SIGLEC1: variants seen among roughly 807,000 people sequenced by gnomAD.
SIGLEC1 encodes sialic acid binding Ig like lectin 1.
SIGLEC1 carries 132 observed loss-of-function variants against 148.0 expected under a neutral mutation model. The observed-to-expected ratio is 0.89, with a 90% CI of 0.77 to 1.03. The LOEUF (loss-of-function observed/expected upper bound fraction) is 1.03. SIGLEC1 is among the 50% of genes least tolerant of loss of function. The pLI is 0.00. For synonymous variants in SIGLEC1, 945 were observed against 969.0 expected, an observed-to-expected ratio of 0.98 and a Z score of 0.46; for missense variants, 2,253 against 2,271.4, an observed-to-expected ratio of 0.99 and a Z score of 0.16.
At chr20:3,689,784 A>G in intron 19 of SIGLEC1, 82 bp from the exon 20 acceptor site, 2 of 1,335,306 alleles carry the variant, frequency 1.5e-6, no homozygotes, top group African/African-American at 1.5e-5. Flanking sequence ...CCAAGATGAC[A>G]CCTTCTAACT....
In SIGLEC1 at chr20:3,689,582, T is replaced by A; in HGVS notation, c.4997+18A>T. 2 of 1,539,440 alleles carry A rather than the reference T, an allele frequency of 1.3e-6. No individual in the cohort carries two copies. Among genetic ancestry groups the A allele is most frequent in the South Asian group, 2.4e-5 (2 of 84,100 alleles). ...GCCTTACCCCAATCTTCTGGCCCAC[T>A]CCCAGCTCCAGACCCACCTCCAGGT... On this transcript the variant is annotated intron_variant, in intron 20 of 21. Coordinates refer to ENST00000344754, the MANE Select transcript of SIGLEC1 (RefSeq NM_023068.4).
rs371054498 is a variant in SIGLEC1, at chr20:3,690,285, T to G, written c.4592-21A>C. 7.9e-6 allele frequency: 12 copies of G among 1,519,432 alleles called. No homozygotes were observed. In the South Asian group the frequency reaches 8.6e-5, roughly 11 times the overall value. The allele number at this position is 1,519,432 out of a possible 1,614,324, so 94.1% of individuals were successfully genotyped here. ...AGGGTCTGTGGGGAGGAAGGGAGTGTGGTGATTGCAGACAATGACCACAAA... is the reference window on the plus strand; with the variant it reads ...AGGGTCTGTGGGGAGGAAGGGAGTGGGGTGATTGCAGACAATGACCACAAA... On this transcript the variant is annotated intron_variant, in intron 18 of 21. Coordinates refer to ENST00000344754, the MANE Select transcript of SIGLEC1 (RefSeq NM_023068.4).
rs186364499 is a variant in SIGLEC1, at chr20:3,697,275, G to A, written c.2190C>T (p.Asn730=). Residue 730 remains asparagine, a synonymous_variant, in exon 10 of 22, where the codon AAC becomes AAT. Coordinates refer to ENST00000344754, the MANE Select transcript of SIGLEC1 (RefSeq NM_023068.4). ...QEGTEANLTC[N]VSREAAGSPA... ...GGCTGCCAGCAGCTTCCCGGCTCAC[G>A]TTGCAAGTCAAGTTGGCTTCTGTGC... 6.8e-6 allele frequency: 11 copies of A among 1,613,964 alleles called. No homozygotes were observed. The highest frequency in any genetic ancestry group is 3.3e-5 in the Admixed American group (2 of 60,020).
chr20:3,694,154 C>A, intron 13 of SIGLEC1, 67 bp downstream of exon 13: 1 of 1,497,272 alleles, frequency 6.7e-7, no homozygotes, highest in South Asian at 1.3e-5. Context: ...CCCTGTCCCA[C>A]CTCCTCTCCT....
chr20:3,699,328 C>G lies in SIGLEC1; in HGVS notation c.1660G>C (p.Glu554Gln), dbSNP rs572890740. 9 of 1,608,716 alleles carry G rather than the reference C, an allele frequency of 5.6e-6. No homozygotes were observed. Among genetic ancestry groups the G allele is most frequent in the Non-Finnish European group, 7.6e-6 (9 of 1,178,420 alleles). Residue 554 changes from glutamate (E) to glutamine (Q), a missense_variant, in exon 8 of 22, where the codon GAG becomes CAG. Coordinates refer to ENST00000344754, the MANE Select transcript of SIGLEC1 (RefSeq NM_023068.4). ...SWYLNGALLH[E>Q]GPGSSLLLPA... is the part of the protein sequence containing the mutation. Reference sequence around the variant, plus strand: ...AGCAGGAGGCTGCTGCCGGGACCCTCGTGAAGCAGGGCTCCATTCAGGTAC... The same window carrying G: ...AGCAGGAGGCTGCTGCCGGGACCCTGGTGAAGCAGGGCTCCATTCAGGTAC...
chr20:3,702,145 A>T (rs2087857334), intron 6 of SIGLEC1, among the ~76,000 whole-genome samples: 2 of 152,380 alleles, frequency 1.3e-5, no homozygotes, highest in East Asian at 1.9e-4. Flanking sequence ...ACTGAGGAAC[A>T]GTCTCAGACT....
In SIGLEC1 at chr20:3,693,296, G is replaced by A. The variant is rs78825232; in HGVS notation, c.3508+151C>T. The A allele has an allele frequency of 1.3e-3, 1,451 of 1,155,090 alleles. 15 individuals carry two copies. In the African/African-American group the frequency reaches 0.021, roughly 17 times the overall value. 71.6% of individuals were successfully genotyped at this position (1,155,090 alleles called of 1,614,324 possible). On this transcript the variant is annotated intron_variant, in intron 14 of 21. Transcript: ENST00000344754. Reference sequence around the variant, plus strand: ...CTGCCCAGACAGGACTCACCCCAGCGCCCCCTACTCTTAATGCTCCTTGCC... The same window carrying A: ...CTGCCCAGACAGGACTCACCCCAGCACCCCCTACTCTTAATGCTCCTTGCC...
intron 14 of SIGLEC1, 138 bp downstream of exon 14, chr20:3,693,309 A>T: frequency 8.3e-7 from 1 of 1,198,980 alleles, no homozygotes; most frequent in Non-Finnish European, 1.1e-6. Flanking sequence ...CCCTACTCTT[A>T]ATGCTCCTTG....
Position 3,712,595 on chromosome 20 carries a change from C to G in SIGLEC1, c.-235G>C, listed in dbSNP as rs1483345898. Among the ~76,000 whole-genome samples, 2 of 152,164 alleles carry G rather than the reference C, an allele frequency of 1.3e-5. No homozygotes were observed. The highest frequency in any genetic ancestry group is 2.9e-5 in the Non-Finnish European group (2 of 68,036). ...CTGCCGGCTCAAGAGAGAAGGATCC[C>G]GTATCAGGGGCTGCTTCCTCTTTCC... is the stretch of plus-strand genomic sequence containing the variant. On this transcript the variant is annotated 5_prime_UTR_variant, in exon 1 of 22. Coordinates refer to ENST00000344754, the MANE Select transcript of SIGLEC1 (RefSeq NM_023068.4).
chr20:3,693,306 C>G, intron 14 of SIGLEC1, 141 bp downstream of exon 14: 1 of 1,194,068 alleles, frequency 8.4e-7, no homozygotes, highest in Non-Finnish European at 1.1e-6. Context: ...GCCCCCTACT[C>G]TTAATGCTCC....
At position 3,692,537 on chromosome 20, in the gene SIGLEC1, A is replaced by G; in HGVS notation, c.4014T>C (p.Ala1338=). ...DAQGTRSSRP[A]ALQVLYAPQD... ...TCTGCTCACAGAGGACTTGCAGGGC[A>G]GCAGGACGGGAGCTGCGGGTGCCCT... The change falls in exon 16 of 22, where the codon GCT becomes GCC. Residue 1338 remains alanine (A), a synonymous_variant. Coordinates refer to ENST00000344754, the MANE Select transcript of SIGLEC1 (RefSeq NM_023068.4). 1 of 1,598,328 alleles carries G rather than the reference A, an allele frequency of 6.3e-7. No individual in the cohort carries two copies. Among genetic ancestry groups the G allele is most frequent in the South Asian group, 1.1e-5 (1 of 89,610 alleles).
chr20:3,703,531 C>T, intron 5 of SIGLEC1, 80 bp from the exon 6 acceptor site: 1 of 1,488,262 alleles, frequency 6.7e-7, no homozygotes, highest in Admixed American at 2.2e-5. Context: ...GGGTCTCAGC[C>T]AATCAGCCTC....
chr20:3,695,074 T>C (rs2146522586), intron 11 of SIGLEC1, 151 bp from the exon 12 acceptor site: 1 of 769,508 alleles, frequency 1.3e-6, no homozygotes, highest in Non-Finnish European at 2.0e-6. Flanking sequence ...CACTCAGCCC[T>C]ATGCCTTGGC....
At chr20:3,701,947 G>A (rs1203656105) in intron 6 of SIGLEC1, among the ~76,000 whole-genome samples, 2 of 152,308 alleles carry the variant, frequency 1.3e-5, no homozygotes, top group East Asian at 3.9e-4. Flanking sequence ...ACCAAAGTGA[G>A]CATCATCAGC....
Position 3,699,054 on chromosome 20 carries a change from AC to A in SIGLEC1, c.1786+147del, listed in dbSNP as rs2087827711. 4.6e-6 allele frequency: 4 copies of A among 872,686 alleles called. No individual in the cohort carries two copies. In the Admixed American group the frequency reaches 8.5e-5, roughly 19 times the overall value. 54.1% of individuals were successfully genotyped at this position (872,686 alleles called of 1,614,324 possible). On this transcript the variant is annotated intron_variant, in intron 8 of 21. Transcript: ENST00000344754. The stretch of plus-strand genomic sequence containing the variant: ...GCCTCATTTCCTAAACTTCAGCCCC[AC>A]ATGGAAAGACCCACTGTGGCCAGGT...
chr20:3,694,658 C>T lies in SIGLEC1; in HGVS notation c.2944+5G>A. On this transcript the variant is annotated splice_donor_5th_base_variant and intron_variant, in intron 12 of 21. Coordinates refer to ENST00000344754, the MANE Select transcript of SIGLEC1 (RefSeq NM_023068.4). ...CCCACACCTGGATGGGACAAAAGTC[C>T]TTACAGGACACGTGGAGGCTGATGG... The T allele has an allele frequency of 6.2e-7, 1 of 1,609,094 alleles. No homozygotes were observed. Among genetic ancestry groups the T allele is most frequent in the South Asian group, 1.1e-5 (1 of 90,520 alleles).
Position 3,690,345 on chromosome 20 carries a change from G to A in SIGLEC1, c.4592-81C>T, listed in dbSNP as rs139005019. The A allele has an allele frequency of 1.1e-5, 13 of 1,167,626 alleles. No homozygotes were observed. In the East Asian group the frequency reaches 3.4e-4, roughly 30 times the overall value. 72.3% of individuals were successfully genotyped at this position (1,167,626 alleles called of 1,614,324 possible). A position where few individuals can be genotyped will look rare whatever the true frequency, so the allele number is the denominator to read the frequency against. Reference sequence around the variant, plus strand: ...CCCTGTACCCATGCACAGTGACTTTGCTGCTCCTCCCATTAAGAGGCAGAA... The same window carrying A: ...CCCTGTACCCATGCACAGTGACTTTACTGCTCCTCCCATTAAGAGGCAGAA... On this transcript the variant is annotated intron_variant, in intron 18 of 21. Coordinates refer to ENST00000344754, the MANE Select transcript of SIGLEC1 (RefSeq NM_023068.4).
At position 3,692,528 on chromosome 20, in the gene SIGLEC1, T is replaced by A; in HGVS notation, c.4023A>T (p.Gln1341His). Reference protein sequence around the residue: ...GTRSSRPAALQVLYAPQDAVL... With the variant: ...GTRSSRPAALHVLYAPQDAVL... ...CAAGGACCCTCTGCTCACAGAGGAC[T>A]TGCAGGGCAGCAGGACGGGAGCTGC... is the stretch of plus-strand genomic sequence containing the variant. Residue 1341 changes from glutamine (Q) to histidine (H), a missense_variant, in exon 16 of 22, where the codon CAA (glutamine) becomes CAT (histidine). Coordinates refer to ENST00000344754, the MANE Select transcript of SIGLEC1 (RefSeq NM_023068.4). 6.3e-7 allele frequency: 1 copy of A among 1,593,278 alleles called. No homozygotes were observed. Among genetic ancestry groups the A allele is most frequent in the Non-Finnish European group, 8.5e-7 (1 of 1,174,852 alleles).
At position 3,706,016 on chromosome 20, in the gene SIGLEC1, G is replaced by A. The variant is rs765229843; in HGVS notation, c.434C>T (p.Ala145Val). The A allele has an allele frequency of 6.8e-6, 11 of 1,613,244 alleles. No individual in the cohort carries two copies. In the Admixed American group the frequency reaches 1.8e-4, roughly 27 times the overall value. The change falls in exon 4 of 22, where the codon GCC (alanine) becomes GTC (valine). Residue 145 changes from alanine to valine, a missense_variant. Coordinates refer to ENST00000344754, the MANE Select transcript of SIGLEC1 (RefSeq NM_023068.4). Reference protein sequence around the residue: ...VTEEPRVPTIASPVELLEGTE... With the variant: ...VTEEPRVPTIVSPVELLEGTE... ...GCCCTCGAGAAGCTCCACCGGGGAG[G>A]CAATGGTGGGCACCCTGGGCTCCTC...
Sources: gnomAD v4.1 joint callset for allele counts (sites outside exome capture counted in the v4.1 genomes callset) on GRCh38, gnomAD v4.1.1 for gene constraint, MANE v1.5 for transcripts, NCBI Gene and HGNC (gene_info 2026-07-23, HGNC 2026-07-21) for gene names.